The following CHST12 variants were observed in gnomAD, a reference collection of about 807,000 sequenced individuals.
CHST12 encodes carbohydrate (chondroitin 4) sulfotransferase 12.
In CHST12, 23 loss-of-function variants were observed where a neutral mutation model predicts 27.9. That is an observed-to-expected ratio of 0.82 (90% confidence interval 0.59 to 1.17). The LOEUF (loss-of-function observed/expected upper bound fraction) is 1.17, where lower values mean the gene tolerates loss of function less well. Among genes scored for constraint, CHST12 ranks in the 50% most tolerant of loss-of-function variants. The pLI is 0.00. For synonymous variants in CHST12, 322 were observed against 273.0 expected (o/e 1.18, Z -1.77); for missense variants, 682 against 603.0 (o/e 1.13, Z -1.37).
At position 2,438,744 on chromosome 7, in the gene CHST12, C is replaced by G. The variant is rs1262411282; in HGVS notation, c.*4860C>G. 6.6e-6 allele frequency: 1 copy of G among 152,254 alleles called. No homozygotes were observed. Among genetic ancestry groups the G allele is most frequent in the East Asian group, 1.9e-4 (1 of 5,196 alleles). 9.4% of individuals were successfully genotyped at this position (152,254 alleles called of 1,614,324 possible). A position where few individuals can be genotyped will look rare whatever the true frequency, so the allele number is the denominator to read the frequency against. ...TGCATTCCTCCTCCTGGTCAGAGAG[C>G]CCGTCTCTTCCGCCCTCTCCCTTAC... On this transcript the variant is annotated 3_prime_UTR_variant, in exon 2 of 2. Coordinates refer to ENST00000618655, the MANE Select transcript of CHST12 (RefSeq NM_018641.5).
At position 2,426,783 on chromosome 7, in the gene CHST12, G is replaced by C. The variant is rs148783168; in HGVS notation, c.-77-5780G>C. ...AGGAAGGTGGATCACTTGAGGTCAG[G>C]AGTTCAAGACCAGCCTGGCCAACAT... On this transcript the variant is annotated intron_variant, in intron 1 of 1. Transcript: ENST00000618655. 2.8e-3 allele frequency among the ~76,000 whole-genome samples: 421 copies of C among 152,170 alleles called. 2 individuals are homozygous for C. Among genetic ancestry groups the C allele is most frequent in the Non-Finnish European group, 4.5e-3 (304 of 68,008 alleles).
intron 1 of CHST12, among the ~76,000 whole-genome samples, chr7:2,425,661 G>C (rs1178858090): frequency 6.6e-6 from 1 of 150,756 alleles, no homozygotes; most frequent in Non-Finnish European, 1.5e-5. Context: ...AGATGTGTGT[G>C]TGTTCAAATG....
chr7:2,426,095 G>C (rs540194172), intron 1 of CHST12, among the ~76,000 whole-genome samples: 1 of 152,150 alleles, frequency 6.6e-6, no homozygotes, highest in Non-Finnish European at 1.5e-5. Flanking sequence ...TCGTGCGAAG[G>C]GACTGCCAGT....
At chr7:2,432,512 C>A (rs1318899833) in intron 1 of CHST12, 51 bp from the exon 2 acceptor site, 2 of 1,104,486 alleles carry the variant, frequency 1.8e-6, no homozygotes, top group African/African-American at 3.2e-5. Context: ...AGGCAGGAGT[C>A]AGAGCCCCAG....
Position 2,432,850 on chromosome 7 carries a change from G to C in CHST12, c.211G>C (p.Asp71His), listed in dbSNP as rs1782322752. ...TADSDVDEFL[D>H]KFLSAGVKQS... ...CGACTCCGATGTCGACGAGTTTCTG[G>C]ACAAGTTTCTCAGTGCTGGCGTGAA... Residue 71 changes from aspartate (D) to histidine (H), a missense_variant, in exon 2 of 2, where the codon GAC (aspartate) becomes CAC (histidine). By Grantham distance (81) the Asp-to-His change is moderately conservative. Coordinates refer to ENST00000618655, the MANE Select transcript of CHST12 (RefSeq NM_018641.5). 6.2e-7 allele frequency: 1 copy of C among 1,613,856 alleles called. No homozygotes were observed. The highest frequency in any genetic ancestry group is 8.5e-7 in the Non-Finnish European group (1 of 1,179,912).
At chr7:2,417,493 T>G (rs1781841817) in intron 1 of CHST12, among the ~76,000 whole-genome samples, 1 of 150,026 alleles carries the variant, frequency 6.7e-6, no homozygotes, top group Non-Finnish European at 1.5e-5. Flanking sequence ...AGGTTCAAAC[T>G]ATTCTCCTGC....
At chr7:2,415,164 A>G (rs543745261) in intron 1 of CHST12, among the ~76,000 whole-genome samples, 1 of 152,354 alleles carries the variant, frequency 6.6e-6, no homozygotes, top group Admixed American at 6.5e-5. Context: ...CAGGAGTTCA[A>G]GACCAGCCTG....
rs1354130382 is a variant in CHST12, at chr7:2,434,113, C to CCCGCCCGT, written c.*236_*237insTCCGCCCG. The CCCGCCCGT allele has an allele frequency of 2.7e-5, 10 of 371,242 alleles. No individual in the cohort carries two copies. The Admixed American group carries it at 4.7e-4, about 17-fold the overall frequency. 23.0% of individuals were successfully genotyped at this position (371,242 alleles called of 1,614,324 possible). A position where few individuals can be genotyped will look rare whatever the true frequency, so the allele number is the denominator to read the frequency against. ...ATCCCCTCTCCCCTCCGCCCGCCCA[C>CCCGCCCGT]CCGCCCGCCCGCTCGCCCGCTCGCC... On this transcript the variant is annotated 3_prime_UTR_variant, in exon 2 of 2. Coordinates refer to ENST00000618655, the MANE Select transcript of CHST12 (RefSeq NM_018641.5).
At chr7:2,406,467 CACA>C (rs1781527333) in intron 1 of CHST12, among the ~76,000 whole-genome samples, 8 of 21,066 alleles carry the variant, frequency 3.8e-4, no homozygotes, top group African/African-American at 8.8e-4. Flanking sequence ...GGGGTGGGGG[CACA>C]GTTGAGTACG....
chr7:2,432,967 G>T lies in CHST12; in HGVS notation c.328G>T (p.Asp110Tyr), dbSNP rs747308551. ...SVRGYDWSPR[D>Y]ARRSPDQGRQ... ...GAGAGGCTACGACTGGTCCCCGCGC[G>T]ACGCCCGGCGCAGCCCAGACCAGGG... The change falls in exon 2 of 2, where the codon GAC (aspartate) becomes TAC (tyrosine). Residue 110 changes from aspartate (D) to tyrosine (Y), a missense_variant. By Grantham distance (160) the Asp-to-Tyr change is radical (BLOSUM62 -3). Coordinates refer to ENST00000618655, the MANE Select transcript of CHST12 (RefSeq NM_018641.5). 2 of 1,609,210 alleles carry T rather than the reference G, an allele frequency of 1.2e-6. No individual in the cohort carries two copies. The highest frequency in any genetic ancestry group is 1.7e-6 in the Non-Finnish European group (2 of 1,177,694).
intron 1 of CHST12, among the ~76,000 whole-genome samples, chr7:2,422,856 T>G (rs1446132512): frequency 1.4e-5 from 2 of 146,834 alleles, no homozygotes; most frequent in Non-Finnish European, 2.9e-5. Context: ...TTTCTTAGCC[T>G]TCAGAAAACC....
intron 1 of CHST12, among the ~76,000 whole-genome samples, chr7:2,427,801 C>T (rs752436451): frequency 3.9e-5 from 6 of 152,078 alleles, no homozygotes; most frequent in Non-Finnish European, 8.8e-5. Flanking sequence ...CCTACTTGGT[C>T]ATGCCGTGAC....
chr7:2,415,327 T>G (rs1288672178), intron 1 of CHST12, among the ~76,000 whole-genome samples: 2 of 150,672 alleles, frequency 1.3e-5, no homozygotes, highest in African/African-American at 4.9e-5. Flanking sequence ...ATTGTGCCAC[T>G]GCACTCCAGC....
At chr7:2,424,699 C>G (rs549269903) in intron 1 of CHST12, among the ~76,000 whole-genome samples, 2 of 152,200 alleles carry the variant, frequency 1.3e-5, no homozygotes, top group Non-Finnish European at 2.9e-5. Context: ...CGAGTGTTGT[C>G]TTCTGAAGCT....
At position 2,433,131 on chromosome 7, in the gene CHST12, G is replaced by A. The variant is rs1218900509; in HGVS notation, c.492G>A (p.Gly164=). The A allele has an allele frequency of 5.0e-6, 8 of 1,612,740 alleles. No homozygotes were observed. In the South Asian group the frequency reaches 7.7e-5, roughly 15 times the overall value. The stretch of plus-strand genomic sequence containing the variant: ...ACCTGATCGTGGACGACCGGCACGG[G>A]GCCATCTACTGCTACGTGCCCAAGG... ...LSHLIVDDRH[G]AIYCYVPKVA... Residue 164 remains glycine, a synonymous_variant, in exon 2 of 2, where the codon GGG becomes GGA. Coordinates refer to ENST00000618655, the MANE Select transcript of CHST12 (RefSeq NM_018641.5). The surrounding 1 kb of genome is among the most constrained non-coding windows in gnomAD (Gnocchi z 6.1).
chr7:2,422,253 T>C (rs186117583), intron 1 of CHST12, among the ~76,000 whole-genome samples: 21 of 152,140 alleles, frequency 1.4e-4, no homozygotes, highest in Admixed American at 1.3e-3. Flanking sequence ...TTCTTTCTTT[T>C]TTTTTTTTGA....
At position 2,443,460 on chromosome 7, in the gene CHST12, CT is replaced by C. The variant is rs1239777153; in HGVS notation, c.*9577del. 1 of 152,280 alleles carries C rather than the reference CT, an allele frequency of 6.6e-6. No individual in the cohort carries two copies. The highest frequency in any genetic ancestry group is 1.5e-5 in the Non-Finnish European group (1 of 68,128). The allele number at this position is 152,280 out of a possible 1,614,324, so 9.4% of individuals were successfully genotyped here. On this transcript the variant is annotated 3_prime_UTR_variant, in exon 2 of 2. Coordinates refer to ENST00000618655, the MANE Select transcript of CHST12 (RefSeq NM_018641.5). ...TCTGCCCCATCCATGGAAAAATTGC[CT>C]CTCATGAAACCAGTCCCTGGTGCCA...
chr7:2,441,944 C>T lies in CHST12; in HGVS notation c.*8060C>T, dbSNP rs1782616043. 1.3e-5 allele frequency: 2 copies of T among 152,064 alleles called. No homozygotes were observed. The highest frequency in any genetic ancestry group is 1.5e-5 in the Non-Finnish European group (1 of 68,028). The allele number at this position is 152,064 out of a possible 1,614,324, so 9.4% of individuals were successfully genotyped here. A position where few individuals can be genotyped will look rare whatever the true frequency, so the allele number is the denominator to read the frequency against. Reference sequence around the variant, plus strand: ...AAGTGAACAGTTCAGTGGCATTAAGCACATTCAGTTTGCCTGCCACCGTTA... The same window carrying T: ...AAGTGAACAGTTCAGTGGCATTAAGTACATTCAGTTTGCCTGCCACCGTTA... On this transcript the variant is annotated 3_prime_UTR_variant, in exon 2 of 2. Coordinates refer to ENST00000618655, the MANE Select transcript of CHST12 (RefSeq NM_018641.5).
intron 1 of CHST12, among the ~76,000 whole-genome samples, chr7:2,420,860 A>G (rs1194405270): frequency 1.3e-5 from 2 of 152,012 alleles, no homozygotes; most frequent in Non-Finnish European, 2.9e-5. Context: ...TCATATGGCA[A>G]TTTTATTTTA....
Sources: gnomAD v4.1 joint callset for allele counts (sites outside exome capture counted in the v4.1 genomes callset) on GRCh38, gnomAD v4.1.1 for gene constraint, Gnocchi (gnomAD v3.1) non-coding constraint, MANE v1.5 for transcripts, NCBI Gene and HGNC (gene_info 2026-07-23, HGNC 2026-07-21) for gene names.